ALKAL1: variants seen among roughly 807,000 people sequenced by gnomAD.
The protein encoded by ALKAL1 is AUG-beta.
ALKAL1 carries 23 observed loss-of-function variants against 13.5 expected under a neutral mutation model. The ratio of observed to expected loss-of-function variants is 1.70; its 90% CI spans 1.23 to 2.41. The LOEUF (loss-of-function observed/expected upper bound fraction) is 2.41, where lower values mean the gene tolerates loss of function less well. ALKAL1 is among the 30% of genes most tolerant of loss of function. ALKAL1 has a pLI of 0.00. For missense variants in ALKAL1, 181 were observed against 178.4 expected (o/e 1.01, Z -0.08); for synonymous variants, 85 against 77.7 (o/e 1.09, Z -0.49).
intron 4 of ALKAL1, among the ~76,000 whole-genome samples, chr8:52,536,769 T>G (rs1272341228): frequency 6.6e-6 from 1 of 152,230 alleles, no homozygotes; most frequent in Non-Finnish European, 1.5e-5. Context: ...TGCGTAATGT[T>G]TCTGCATAAT....
intron 4 of ALKAL1, among the ~76,000 whole-genome samples, chr8:52,535,550 C>CAAAAAAAAAAAAAAAAAAAAAAGAA (rs1847257310): frequency 7.3e-5 from 5 of 68,630 alleles, no homozygotes; most frequent in Non-Finnish European, 1.0e-4. Context: ...GACCCTGTCT[C>CAAAAAAAAAAAAAAAAAAAAAAGAA]AAAAAAAAAA....
chr8:52,555,227 T>G (rs1216105229), intron 1 of ALKAL1, among the ~76,000 whole-genome samples: 3 of 144,276 alleles, frequency 2.1e-5, no homozygotes, highest in Non-Finnish European at 4.6e-5. Flanking sequence ...TCAACTGGAG[T>G]CCCGGTGGGA....
intron 1 of ALKAL1, among the ~76,000 whole-genome samples, chr8:52,553,348 TA>T (rs113138297): frequency 4.6e-5 from 7 of 151,260 alleles, no homozygotes; most frequent in Admixed American, 1.3e-4. Context: ...ACTCCATCTC[TA>T]AAAAAAAATT....
At chr8:52,555,574 A>G (rs1447361973) in intron 1 of ALKAL1, among the ~76,000 whole-genome samples, 1 of 152,174 alleles carries the variant, frequency 6.6e-6, no homozygotes, top group Non-Finnish European at 1.5e-5. Context: ...AAAGCAGCCA[A>G]TGCAGAGCCC....
chr8:52,537,264 A>G (rs114447792), intron 4 of ALKAL1, among the ~76,000 whole-genome samples: 9 of 152,370 alleles, frequency 5.9e-5, no homozygotes, highest in African/African-American at 1.9e-4. Context: ...AATCATAACC[A>G]TGATGAGATA....
At chr8:52,559,453 C>T (rs1847516632) in intron 1 of ALKAL1, among the ~76,000 whole-genome samples, 1 of 152,040 alleles carries the variant, frequency 6.6e-6, no homozygotes, top group South Asian at 2.1e-4. Context: ...AGAAACTTTC[C>T]AAGAGATTCC....
chr8:52,534,481 G>A lies in ALKAL1; in HGVS notation c.*132C>T, dbSNP rs895876032. The A allele has an allele frequency of 8.7e-6, 4 of 461,636 alleles. No individual in the cohort carries two copies. Among genetic ancestry groups the A allele is most frequent in the African/African-American group, 2.0e-5 (1 of 49,662 alleles). 28.6% of individuals were successfully genotyped at this position (461,636 alleles called of 1,614,324 possible). ...AGGAAACAGCTAACCAGTTATTTCT[G>A]GGAAGTCTCTTATTTTACTCATCTT... On this transcript the variant is annotated 3_prime_UTR_variant, in exon 5 of 5. Coordinates refer to ENST00000358543, the MANE Select transcript of ALKAL1 (RefSeq NM_207413.4).
intron 3 of ALKAL1, 100 bp from the exon 4 acceptor site, chr8:52,538,607 T>C: frequency 2.7e-6 from 2 of 736,134 alleles, no homozygotes; most frequent in East Asian, 2.7e-5. Context: ...ATAACTACAG[T>C]TTAATAAATA....
At chr8:52,557,468 C>A (rs1847496521) in intron 1 of ALKAL1, among the ~76,000 whole-genome samples, 1 of 152,208 alleles carries the variant, frequency 6.6e-6, no homozygotes, top group Non-Finnish European at 1.5e-5. Context: ...AAACTTTTTA[C>A]AAAACTATCA....
At chr8:52,557,699 A>C (rs1847498905) in intron 1 of ALKAL1, among the ~76,000 whole-genome samples, 1 of 152,220 alleles carries the variant, frequency 6.6e-6, no homozygotes, top group Non-Finnish European at 1.5e-5. Flanking sequence ...GACGTATAAA[A>C]TATTGGCTGT....
At chr8:52,541,071 A>G (rs1847307630) in intron 2 of ALKAL1, among the ~76,000 whole-genome samples, 4 of 152,234 alleles carry the variant, frequency 2.6e-5, no homozygotes. Flanking sequence ...ACTGTTTAAA[A>G]TAATTCAGTG....
At chr8:52,554,341 T>G (rs1016104668) in intron 1 of ALKAL1, among the ~76,000 whole-genome samples, 2 of 152,244 alleles carry the variant, frequency 1.3e-5, no homozygotes, top group African/African-American at 4.8e-5. Flanking sequence ...GACAATAGAT[T>G]GGTACTTGCG....
Position 52,547,766 on chromosome 8 carries a change from T to A in ALKAL1, c.191-5321A>T, listed in dbSNP as rs572623913. Among the ~76,000 whole-genome samples the A allele has an allele frequency of 5.9e-5, 9 of 152,324 alleles. No individual in the cohort carries two copies. In the East Asian group the frequency reaches 1.5e-3, roughly 26 times the overall value. The stretch of plus-strand genomic sequence containing the variant: ...ACTTTGGGAGGATGAGGCTGGAGGA[T>A]CGCTTGGGCCCAGGAGTTTGAGACC... On this transcript the variant is annotated intron_variant, in intron 1 of 4. Transcript: ENST00000358543.
intron 1 of ALKAL1, among the ~76,000 whole-genome samples, chr8:52,563,343 AT>A (rs1315149362): frequency 4.6e-5 from 7 of 152,200 alleles, no homozygotes; most frequent in Non-Finnish European, 1.0e-4. Flanking sequence ...AGGCAGGAAA[AT>A]GGCTTGAACC....
At position 52,541,190 on chromosome 8, in the gene ALKAL1, G is replaced by T. The variant is rs564595437; in HGVS notation, c.244+1202C>A. On this transcript the variant is annotated intron_variant, in intron 2 of 4. Coordinates refer to ENST00000358543, the MANE Select transcript of ALKAL1 (RefSeq NM_207413.4). Reference sequence around the variant, plus strand: ...ATTTATCTGTGCTCAAGATGTGGCAGGTGGGCCTGGTGCAGTGGCTCACAA... The same window carrying T: ...ATTTATCTGTGCTCAAGATGTGGCATGTGGGCCTGGTGCAGTGGCTCACAA... Among the ~76,000 whole-genome samples, 45 of 152,302 alleles carry T rather than the reference G, an allele frequency of 3.0e-4. 1 individual carries two copies. The highest frequency in any genetic ancestry group is 1.4e-3 in the Admixed American group (21 of 15,294).
intron 1 of ALKAL1, among the ~76,000 whole-genome samples, chr8:52,555,629 A>G (rs953096723): frequency 2.0e-5 from 3 of 152,164 alleles, no homozygotes; most frequent in Non-Finnish European, 4.4e-5. Flanking sequence ...CTCTGGGCCA[A>G]CATTCCTCTG....
chr8:52,542,992 T>A (rs1847329635), intron 1 of ALKAL1, among the ~76,000 whole-genome samples: 1 of 152,212 alleles, frequency 6.6e-6, no homozygotes, highest in Admixed American at 6.5e-5. Context: ...CCCCATAATC[T>A]TCTTTCTCCC....
intron 1 of ALKAL1, among the ~76,000 whole-genome samples, chr8:52,558,551 A>G (rs542004038): frequency 1.1e-4 from 16 of 151,884 alleles, no homozygotes; most frequent in Non-Finnish European, 2.1e-4. Flanking sequence ...CCTGTCCCTC[A>G]GCCCTCCTCT....
chr8:52,559,348 C>T (rs1426198529), intron 1 of ALKAL1, among the ~76,000 whole-genome samples: 1 of 152,126 alleles, frequency 6.6e-6, no homozygotes, highest in African/African-American at 2.4e-5. Flanking sequence ...GCTGTGGGTA[C>T]ATGCAAGGAT....
Sources: allele counts gnomAD v4.1 joint callset (sites outside exome capture counted in the v4.1 genomes callset), GRCh38; gene constraint gnomAD v4.1.1; transcripts MANE v1.5; gene names NCBI Gene and HGNC (gene_info 2026-07-23, HGNC 2026-07-21).